Variants in GALNT17 observed in about 807,000 individuals in gnomAD.
GALNT17 encodes the protein UDP-GalNAc:polypeptide N-acetylgalactosaminyltransferase-like 3.
In GALNT17, 29 loss-of-function variants were observed where a neutral mutation model predicts 63.7. That is an observed-to-expected ratio of 0.46 (90% CI 0.34 to 0.62). GALNT17 has a LOEUF of 0.62. Among genes scored for constraint, GALNT17 ranks in the 20% least tolerant of loss-of-function variants. The probability of loss-of-function intolerance (pLI) is 0.01; values close to 1 mark genes in which losing one functional copy is unlikely to be tolerated. For synonymous variants in GALNT17, 305 were observed against 318.3 expected (o/e 0.96, Z 0.45); for missense variants, 603 against 799.6 (o/e 0.75, Z 2.97).
At chr7:71,430,568 C>A (rs1281343382) in intron 5 of GALNT17, among the ~76,000 whole-genome samples, 1 of 152,048 alleles carries the variant, frequency 6.6e-6, no homozygotes, top group African/African-American at 2.4e-5. Flanking sequence ...TTAGGTGGTC[C>A]TATAATTAGT....
At chr7:71,478,840 T>G (rs1439408016) in intron 5 of GALNT17, among the ~76,000 whole-genome samples, 1 of 152,198 alleles carries the variant, frequency 6.6e-6, no homozygotes, top group Non-Finnish European at 1.5e-5. Flanking sequence ...GCAAAAATTG[T>G]ACCAGTGTTA....
At chr7:71,628,471 T>C (rs1191902280) in intron 6 of GALNT17, among the ~76,000 whole-genome samples, 1 of 152,022 alleles carries the variant, frequency 6.6e-6, no homozygotes, top group Admixed American at 6.5e-5. Context: ...TACAGGCGTG[T>C]ACCACCACGC....
intron 6 of GALNT17, among the ~76,000 whole-genome samples, chr7:71,637,165 G>A (rs947871050): frequency 2.0e-5 from 3 of 152,170 alleles, no homozygotes; most frequent in South Asian, 2.1e-4. Context: ...TCATTACTTT[G>A]TTGTTGTTAT....
rs947448996 is a variant in GALNT17, at chr7:71,358,902, T to G, written c.422+23169T>G. On this transcript the variant is annotated intron_variant, in intron 2 of 10. Transcript: ENST00000333538. ...GATTCTCCTGCCTCAGACTCCTGAG[T>G]AGCTGGAATTACAGGCGCCCACCAC... Among the ~76,000 whole-genome samples the G allele has an allele frequency of 1.1e-4, 17 of 152,124 alleles. No individual in the cohort carries two copies. In the South Asian group the frequency reaches 1.7e-3, roughly 15 times the overall value.
At chr7:71,641,578 T>C (rs956019497) in intron 6 of GALNT17, among the ~76,000 whole-genome samples, 1 of 151,966 alleles carries the variant, frequency 6.6e-6, no homozygotes, top group Non-Finnish European at 1.5e-5. Flanking sequence ...GAGGGGTGGC[T>C]TGTTCCTCTT....
At chr7:71,637,444 CTCCCAAAGT>C (rs1307060860) in intron 6 of GALNT17, among the ~76,000 whole-genome samples, 3 of 151,600 alleles carry the variant, frequency 2.0e-5, no homozygotes, top group Admixed American at 1.3e-4. Context: ...CTGCCTCGGC[CTCCCAAAGT>C]GCTGGGATTA....
chr7:71,524,390 TTGTG>T (rs1047789892), intron 5 of GALNT17, among the ~76,000 whole-genome samples: 2 of 151,546 alleles, frequency 1.3e-5, no homozygotes, highest in African/African-American at 2.4e-5. Flanking sequence ...CTTCTATTTT[TTGTG>T]TGTGTCTGTT....
intron 6 of GALNT17, among the ~76,000 whole-genome samples, chr7:71,646,195 A>G (rs1790673093): frequency 6.6e-6 from 1 of 152,166 alleles, no homozygotes; most frequent in Admixed American, 6.5e-5. Flanking sequence ...GAAACCCCGG[A>G]TTTCCTGACT....
At chr7:71,653,000 TTGTTTGTTTG>T (rs1027762822) in intron 6 of GALNT17, among the ~76,000 whole-genome samples, 24 of 41,450 alleles carry the variant, frequency 5.8e-4, no homozygotes, top group South Asian at 6.0e-3. Context: ...GGGTTTTTGT[TTGTTTGTTTG>T]TGTTTGTTTT....
chr7:71,701,958 A>G (rs995267920), intron 9 of GALNT17, among the ~76,000 whole-genome samples: 1 of 148,670 alleles, frequency 6.7e-6, no homozygotes, highest in Non-Finnish European at 1.5e-5. Flanking sequence ...CTATGCAACC[A>G]TAAAAAAGAA....
rs370506693 is a variant in GALNT17, at chr7:71,225,411, C to T, written c.238+92371C>T. Among the ~76,000 whole-genome samples the T allele has an allele frequency of 9.2e-5, 14 of 152,328 alleles. No homozygotes were observed. The East Asian group carries it at 1.9e-3, about 21-fold the overall frequency. ...TTTTCTGTTTCCAGGCTGGCCAGAG[C>T]TTTCTGCTGCATAATGGCGGCAGCG... On this transcript the variant is annotated intron_variant, in intron 1 of 10. Transcript: ENST00000333538.
At chr7:71,413,921 G>A (rs1041759917) in intron 3 of GALNT17, among the ~76,000 whole-genome samples, 6 of 151,926 alleles carry the variant, frequency 3.9e-5, no homozygotes, top group African/African-American at 1.4e-4. Context: ...GGTGTCTACT[G>A]CTATACAGTA....
intron 5 of GALNT17, among the ~76,000 whole-genome samples, chr7:71,540,831 A>G (rs1443687554): frequency 1.3e-5 from 2 of 152,134 alleles, no homozygotes; most frequent in African/African-American, 4.8e-5. Context: ...CTTAGTTAAC[A>G]CAGGATCAGT....
chr7:71,198,845 C>T (rs1394330665), intron 1 of GALNT17, among the ~76,000 whole-genome samples: 1 of 152,178 alleles, frequency 6.6e-6, no homozygotes, highest in East Asian at 1.9e-4. Context: ...TAAGCACATT[C>T]CCTTCGTTTA....
intron 6 of GALNT17, among the ~76,000 whole-genome samples, chr7:71,607,746 C>G (rs538046557): frequency 9.2e-5 from 14 of 152,138 alleles, no homozygotes; most frequent in African/African-American, 2.6e-4. Flanking sequence ...AGAAAAAAAA[C>G]CCCACAGATT....
intron 1 of GALNT17, among the ~76,000 whole-genome samples, chr7:71,151,625 A>G (rs1037198958): frequency 3.0e-5 from 4 of 133,976 alleles, no homozygotes; most frequent in African/African-American, 8.3e-5. Flanking sequence ...ATCTCAAAAA[A>G]AAGAAAAGAA....
At chr7:71,672,740 G>A (rs561410437) in intron 8 of GALNT17, among the ~76,000 whole-genome samples, 49 of 152,150 alleles carry the variant, frequency 3.2e-4, no homozygotes, top group Admixed American at 7.2e-4. Context: ...TTGTAGCAAC[G>A]AGGTTTTGCC....
At chr7:71,250,417 AG>A (rs1484188620) in intron 1 of GALNT17, among the ~76,000 whole-genome samples, 1 of 152,094 alleles carries the variant, frequency 6.6e-6, no homozygotes, top group Admixed American at 6.5e-5. Context: ...TTACTAAAGG[AG>A]TTTTTTGACA....
chr7:71,592,355 T>C (rs769665367), intron 6 of GALNT17, among the ~76,000 whole-genome samples: 1 of 151,804 alleles, frequency 6.6e-6, no homozygotes, highest in Non-Finnish European at 1.5e-5. Flanking sequence ...GGCTGCCAGC[T>C]GTAGTGGCAA....
Sources: gnomAD v4.1 joint callset for allele counts (sites outside exome capture counted in the v4.1 genomes callset) on GRCh38, gnomAD v4.1.1 for gene constraint, MANE v1.5 for transcripts, NCBI Gene and HGNC (gene_info 2026-07-23, HGNC 2026-07-21) for gene names.